TMEM203: variants seen among roughly 807,000 people sequenced by gnomAD.
The protein encoded by TMEM203 is transmembrane protein 203.
A neutral mutation model predicts 7.9 loss-of-function variants in TMEM203; 4 were observed. The observed-to-expected ratio is 0.51, with a 90% CI of 0.25 to 1.16. TMEM203 has a LOEUF of 1.16. Among genes scored for constraint, TMEM203 ranks in the 50% most tolerant of loss-of-function variants. TMEM203 has a pLI of 0.15. For missense variants in TMEM203, 127 were observed against 174.4 expected, an observed-to-expected ratio of 0.73 and a Z score of 1.53; for synonymous variants, 92 against 82.5, an observed-to-expected ratio of 1.11 and a Z score of -0.62.
Position 137,204,783 on chromosome 9 carries a change from C to A in TMEM203, c.*221G>T. ...AGGATTATCTACTCAAAGCATTAAA[C>A]AAAAGGAAATACATTTTCAGGATGA... On this transcript the variant is annotated 3_prime_UTR_variant, in exon 1 of 1. Coordinates refer to ENST00000343666, the MANE Select transcript of TMEM203 (RefSeq NM_053045.2). 1 of 634,680 alleles carries A rather than the reference C, an allele frequency of 1.6e-6. No homozygotes were observed. The highest frequency in any genetic ancestry group is 1.8e-5 in the African/African-American group (1 of 54,814). The allele number at this position is 634,680 out of a possible 1,614,324, so 39.3% of individuals were successfully genotyped here.
rs1459334982 is a variant in TMEM203 at position 137,205,642 on chromosome 9, C to T, written c.-228G>A. 9.7e-6 allele frequency: 14 copies of T among 1,437,152 alleles called. No homozygotes were observed. The highest frequency in any genetic ancestry group is 1.2e-5 in the South Asian group (1 of 81,672). The allele number at this position is 1,437,152 out of a possible 1,614,324, so 89.0% of individuals were successfully genotyped here. A position where few individuals can be genotyped will look rare whatever the true frequency, so the allele number is the denominator to read the frequency against. Reference sequence around the variant, plus strand: ...ACGCCCGCCTCGATCGGACGCCATGCCCCCACAGGGCGCGTCCCTAGTGCG... The same window carrying T: ...ACGCCCGCCTCGATCGGACGCCATGTCCCCACAGGGCGCGTCCCTAGTGCG... On this transcript the variant is annotated 5_prime_UTR_variant, in exon 1 of 1. Transcript: ENST00000343666.
In TMEM203 at chr9:137,205,458, C is replaced by G; in HGVS notation, c.-44G>C. The G allele has an allele frequency of 6.9e-7, 1 of 1,455,904 alleles. No individual in the cohort carries two copies. Among genetic ancestry groups the G allele is most frequent in the Admixed American group, 2.6e-5 (1 of 38,546 alleles). 90.2% of individuals were successfully genotyped at this position (1,455,904 alleles called of 1,614,324 possible). A position where few individuals can be genotyped will look rare whatever the true frequency, so the allele number is the denominator to read the frequency against. The stretch of plus-strand genomic sequence containing the variant: ...GCCGGGGCCCGGCCGAGCGTGCCAC[C>G]CGCGGGGCTGCGTCTCCTCTCCCCG... On this transcript the variant is annotated 5_prime_UTR_variant, in exon 1 of 1. Transcript: ENST00000343666.
Position 137,204,883 on chromosome 9 carries a change from G to A in TMEM203, c.*121C>T, listed in dbSNP as rs923825626. On this transcript the variant is annotated 3_prime_UTR_variant, in exon 1 of 1. Transcript: ENST00000343666. ...AATAGGGAAACCCGGCACTCAGCTCGGCGCAAGCCGGCGGTGCCTTCAGAC... is the reference window on the plus strand; with the variant it reads ...AATAGGGAAACCCGGCACTCAGCTCAGCGCAAGCCGGCGGTGCCTTCAGAC... 1.5e-6 allele frequency: 2 copies of A among 1,352,108 alleles called. No individual in the cohort carries two copies. Among genetic ancestry groups the A allele is most frequent in the Non-Finnish European group, 2.0e-6 (2 of 1,016,524 alleles). The allele number at this position is 1,352,108 out of a possible 1,614,324, so 83.8% of individuals were successfully genotyped here.
Position 137,205,102 on chromosome 9 carries a change from G to A in TMEM203, c.313C>T (p.Leu105=), listed in dbSNP as rs775985665. 1 of 1,612,988 alleles carries A rather than the reference G, an allele frequency of 6.2e-7. No homozygotes were observed. Among genetic ancestry groups the A allele is most frequent in the South Asian group, 1.1e-5 (1 of 91,088 alleles). ...FVFEMLLCQK[L]AEQTRELWFG... ...CAGAGCTCCCGAGTCTGCTCCGCCAGCTTCTGGCACAACAGCATCTCGAAG... is the reference window on the plus strand; with the variant it reads ...CAGAGCTCCCGAGTCTGCTCCGCCAACTTCTGGCACAACAGCATCTCGAAG... Residue 105 remains leucine, a synonymous_variant, in exon 1 of 1, where the codon CTG becomes TTG. Coordinates refer to ENST00000343666, the MANE Select transcript of TMEM203 (RefSeq NM_053045.2).
At position 137,204,968 on chromosome 9, in the gene TMEM203, G is replaced by A; in HGVS notation, c.*36C>T. ...GCCTCGGCTCGAGGTCAACATTCTAGTTGTCCAGCGCTCCCTCTCCGGCAC... is the reference window on the plus strand; with the variant it reads ...GCCTCGGCTCGAGGTCAACATTCTAATTGTCCAGCGCTCCCTCTCCGGCAC... On this transcript the variant is annotated 3_prime_UTR_variant, in exon 1 of 1. Transcript: ENST00000343666. The A allele has an allele frequency of 6.4e-7, 1 of 1,574,190 alleles. No homozygotes were observed. The highest frequency in any genetic ancestry group is 8.6e-7 in the Non-Finnish European group (1 of 1,156,676).
rs1834912183 is a variant in TMEM203 at position 137,205,625 on chromosome 9, C to T, written c.-211G>A. ...ACCCTGGCCGCCCGTGAACGCCCGC[C>T]TCGATCGGACGCCATGCCCCCACAG... On this transcript the variant is annotated 5_prime_UTR_variant, in exon 1 of 1. Transcript: ENST00000343666. The T allele has an allele frequency of 7.3e-7, 1 of 1,372,932 alleles. No homozygotes were observed. The highest frequency in any genetic ancestry group is 1.5e-5 in the African/African-American group (1 of 68,232). 85.0% of individuals were successfully genotyped at this position (1,372,932 alleles called of 1,614,324 possible). A position where few individuals can be genotyped will look rare whatever the true frequency, so the allele number is the denominator to read the frequency against.
In TMEM203 at chr9:137,205,195, C is replaced by A; in HGVS notation, c.220G>T (p.Asp74Tyr). The change falls in exon 1 of 1, where the codon GAT (aspartate) becomes TAT (tyrosine). Residue 74 changes from aspartate (D) to tyrosine (Y), a missense_variant. Physicochemically the swap from Asp to Tyr is radical, Grantham distance 160. Transcript: ENST00000343666. ...AGCACCGCCAGCCGCTTCTCTCCATCCTGGAAGAGGCGCACGGACACGATG... is the reference window on the plus strand; with the variant it reads ...AGCACCGCCAGCCGCTTCTCTCCATACTGGAAGAGGCGCACGGACACGATG... Reference protein sequence around the residue: ...TTIVSVRLFQDGEKRLAVLRL... With the variant: ...TTIVSVRLFQYGEKRLAVLRL... The A allele has an allele frequency of 6.2e-7, 1 of 1,612,750 alleles. No individual in the cohort carries two copies. The highest frequency in any genetic ancestry group is 8.5e-7 in the Non-Finnish European group (1 of 1,179,898).
chr9:137,204,535 C>T lies in TMEM203; in HGVS notation c.*469G>A, dbSNP rs930111384. The T allele has an allele frequency of 3.2e-5, 5 of 157,364 alleles. No homozygotes were observed. The highest frequency in any genetic ancestry group is 9.6e-5 in the African/African-American group (4 of 41,538). 9.7% of individuals were successfully genotyped at this position (157,364 alleles called of 1,614,324 possible). On this transcript the variant is annotated 3_prime_UTR_variant, in exon 1 of 1. Transcript: ENST00000343666. ...GTGATAGATCTAACAAAGGCATCTACCGAAGTCTGGTCTGGATAGACGGCA... is the reference window on the plus strand; with the variant it reads ...GTGATAGATCTAACAAAGGCATCTATCGAAGTCTGGTCTGGATAGACGGCA...
In TMEM203 at chr9:137,205,337, C is replaced by G. The variant is rs1834903036; in HGVS notation, c.78G>C (p.Leu26=). 2 of 1,609,232 alleles carry G rather than the reference C, an allele frequency of 1.2e-6. No homozygotes were observed. Among genetic ancestry groups the G allele is most frequent in the African/African-American group, 1.3e-5 (1 of 74,894 alleles). ...TFEIFVHLLA[L]LVFSVLLALR... is the part of the protein sequence containing the mutation. ...GTGCCAGCAGCACAGAGAACACCAACAGGGCCAGCAGGTGCACGAAGATCT... is the reference window on the plus strand; with the variant it reads ...GTGCCAGCAGCACAGAGAACACCAAGAGGGCCAGCAGGTGCACGAAGATCT... Residue 26 remains leucine (L), a synonymous_variant, in exon 1 of 1, where the codon CTG becomes CTC. Coordinates refer to ENST00000343666, the MANE Select transcript of TMEM203 (RefSeq NM_053045.2).
chr9:137,205,181 C>T lies in TMEM203; in HGVS notation c.234G>A (p.Arg78=), dbSNP rs753830186. 5 of 1,612,688 alleles carry T rather than the reference C, an allele frequency of 3.1e-6. No homozygotes were observed. Among genetic ancestry groups the T allele is most frequent in the African/African-American group, 1.3e-5 (1 of 74,942 alleles). ...CCCAGAAAAGGCGGAGCACCGCCAG[C>T]CGCTTCTCTCCATCCTGGAAGAGGC... ...SVRLFQDGEK[R]LAVLRLFWVL... is the part of the protein sequence containing the mutation. The change falls in exon 1 of 1, where the codon CGG becomes CGA. Residue 78 remains arginine, a synonymous_variant. Coordinates refer to ENST00000343666, the MANE Select transcript of TMEM203 (RefSeq NM_053045.2).
Position 137,204,846 on chromosome 9 carries a change from A to T in TMEM203, c.*158T>A. ...TAAGCCCTGCTGAAGAAACCATTTC[A>T]AACAGGATTGGAATAGGGAAACCCG... On this transcript the variant is annotated 3_prime_UTR_variant, in exon 1 of 1. Transcript: ENST00000343666. 2.1e-6 allele frequency: 2 copies of T among 958,198 alleles called. No individual in the cohort carries two copies. The highest frequency in any genetic ancestry group is 3.0e-6 in the Non-Finnish European group (2 of 664,562). 59.4% of individuals were successfully genotyped at this position (958,198 alleles called of 1,614,324 possible).
Position 137,204,884 on chromosome 9 carries a change from G to T in TMEM203, c.*120C>A. On this transcript the variant is annotated 3_prime_UTR_variant, in exon 1 of 1. Coordinates refer to ENST00000343666, the MANE Select transcript of TMEM203 (RefSeq NM_053045.2). ...ATAGGGAAACCCGGCACTCAGCTCG[G>T]CGCAAGCCGGCGGTGCCTTCAGACT... is the stretch of plus-strand genomic sequence containing the variant. 1 of 1,364,440 alleles carries T rather than the reference G, an allele frequency of 7.3e-7. No homozygotes were observed. Among genetic ancestry groups the T allele is most frequent in the Non-Finnish European group, 9.7e-7 (1 of 1,027,032 alleles). 84.5% of individuals were successfully genotyped at this position (1,364,440 alleles called of 1,614,324 possible).
chr9:137,205,567 G>T lies in TMEM203; in HGVS notation c.-153C>A. ...CAGCCCCAGCCCTCGGCCCTGATGC[G>T]CCGGCAATCCCCCGGCCCCGACCCG... On this transcript the variant is annotated 5_prime_UTR_variant, in exon 1 of 1. Transcript: ENST00000343666. The T allele has an allele frequency of 8.3e-7, 1 of 1,199,624 alleles. No individual in the cohort carries two copies. Among genetic ancestry groups the T allele is most frequent in the Non-Finnish European group, 1.1e-6 (1 of 903,152 alleles). The allele number at this position is 1,199,624 out of a possible 1,614,324, so 74.3% of individuals were successfully genotyped here. A position where few individuals can be genotyped will look rare whatever the true frequency, so the allele number is the denominator to read the frequency against.
chr9:137,204,602 C>T lies in TMEM203; in HGVS notation c.*402G>A. 5.5e-6 allele frequency: 1 copy of T among 181,848 alleles called. No individual in the cohort carries two copies. Among genetic ancestry groups the T allele is most frequent in the South Asian group, 1.1e-4 (1 of 9,108 alleles). 11.3% of individuals were successfully genotyped at this position (181,848 alleles called of 1,614,324 possible). ...CAGCGCTGCTGGTTGGAGGACATTC[C>T]TGAGTCCAGCTTTGCAGCCTTTGTG... On this transcript the variant is annotated 3_prime_UTR_variant, in exon 1 of 1. Coordinates refer to ENST00000343666, the MANE Select transcript of TMEM203 (RefSeq NM_053045.2).
At position 137,205,484 on chromosome 9, in the gene TMEM203, T is replaced by A. The variant is rs1468275433; in HGVS notation, c.-70A>T. On this transcript the variant is annotated 5_prime_UTR_variant, in exon 1 of 1. Transcript: ENST00000343666. ...CGCGGGGCTGCGTCTCCTCTCCCCG[T>A]GGCCCTCGCCCGCGCCTGCCGCCGC... 3.0e-6 allele frequency: 4 copies of A among 1,352,956 alleles called. No homozygotes were observed. The East Asian group carries it at 1.2e-4, about 41-fold the overall frequency. 83.8% of individuals were successfully genotyped at this position (1,352,956 alleles called of 1,614,324 possible). A position where few individuals can be genotyped will look rare whatever the true frequency, so the allele number is the denominator to read the frequency against.
At position 137,204,911 on chromosome 9, in the gene TMEM203, G is replaced by C. The variant is rs1834889982; in HGVS notation, c.*93C>G. The C allele has an allele frequency of 6.8e-7, 1 of 1,476,508 alleles. No homozygotes were observed. Among genetic ancestry groups the C allele is most frequent in the Non-Finnish European group, 9.0e-7 (1 of 1,109,120 alleles). The allele number at this position is 1,476,508 out of a possible 1,614,324, so 91.5% of individuals were successfully genotyped here. A position where few individuals can be genotyped will look rare whatever the true frequency, so the allele number is the denominator to read the frequency against. ...GCAAGCCGGCGGTGCCTTCAGACTAGAGAGCCTCTCCTCCGGTGCGCTGCA... is the reference window on the plus strand; with the variant it reads ...GCAAGCCGGCGGTGCCTTCAGACTACAGAGCCTCTCCTCCGGTGCGCTGCA... On this transcript the variant is annotated 3_prime_UTR_variant, in exon 1 of 1. Coordinates refer to ENST00000343666, the MANE Select transcript of TMEM203 (RefSeq NM_053045.2).
Position 137,205,431 on chromosome 9 carries a change from G to C in TMEM203, c.-17C>G, listed in dbSNP as rs768682500. On this transcript the variant is annotated 5_prime_UTR_variant, in exon 1 of 1. Transcript: ENST00000343666. ...GAAGAGCATCGCGCCCGTTGAGCGC[G>C]GGCCGGGGCCCGGCCGAGCGTGCCA... 6.6e-7 allele frequency: 1 copy of C among 1,521,608 alleles called. No individual in the cohort carries two copies. Among genetic ancestry groups the C allele is most frequent in the South Asian group, 1.2e-5 (1 of 82,128 alleles). 94.3% of individuals were successfully genotyped at this position (1,521,608 alleles called of 1,614,324 possible).
rs757349859 is a variant in TMEM203, at chr9:137,205,135, T to G, written c.280A>C (p.Lys94Gln). 1.2e-6 allele frequency: 2 copies of G among 1,612,872 alleles called. No homozygotes were observed. The highest frequency in any genetic ancestry group is 1.7e-6 in the Non-Finnish European group (2 of 1,179,990). ...LFWVLTVLSL[K>Q]FVFEMLLCQK... ...CACAACAGCATCTCGAAGACGAACT[T>G]GAGACTCAGGACCGTAAGTACCCAG... Residue 94 changes from lysine to glutamine, a missense_variant, in exon 1 of 1, where the codon AAG becomes CAG. Lys to Gln is a moderately conservative substitution (Grantham distance 53, BLOSUM62 1). Coordinates refer to ENST00000343666, the MANE Select transcript of TMEM203 (RefSeq NM_053045.2).
Position 137,205,647 on chromosome 9 carries a change from A to C in TMEM203, c.-233T>G, listed in dbSNP as rs1834913060. 4.1e-6 allele frequency: 6 copies of C among 1,469,182 alleles called. No homozygotes were observed. The highest frequency in any genetic ancestry group is 5.6e-6 in the Non-Finnish European group (6 of 1,078,994). The allele number at this position is 1,469,182 out of a possible 1,614,324, so 91.0% of individuals were successfully genotyped here. On this transcript the variant is annotated 5_prime_UTR_variant, in exon 1 of 1. Coordinates refer to ENST00000343666, the MANE Select transcript of TMEM203 (RefSeq NM_053045.2). ...CGCCTCGATCGGACGCCATGCCCCC[A>C]CAGGGCGCGTCCCTAGTGCGTCACT...
Sources: gnomAD v4.1 joint callset for allele counts on GRCh38, gnomAD v4.1.1 for gene constraint, MANE v1.5 for transcripts, NCBI Gene and HGNC (gene_info 2026-07-23, HGNC 2026-07-21) for gene names.